KIAA1958: variants seen among roughly 807,000 people sequenced by gnomAD.
The protein encoded by KIAA1958 is KIAA1958, also known as uncharacterized protein KIAA1958.
A neutral mutation model predicts 47.2 loss-of-function variants in KIAA1958; 14 were observed. The ratio of observed to expected loss-of-function variants is 0.30; its 90% CI spans 0.20 to 0.46. The LOEUF (loss-of-function observed/expected upper bound fraction) is 0.46, where lower values mean the gene tolerates loss of function less well. Among genes scored for constraint, KIAA1958 ranks in the 20% least tolerant of loss-of-function variants. The pLI is 1.00. For synonymous variants in KIAA1958, 354 were observed against 353.3 expected (o/e 1.00, Z -0.02); for missense variants, 803 against 909.2 (o/e 0.88, Z 1.50).
intron 1 of KIAA1958, among the ~76,000 whole-genome samples, chr9:112,516,178 A>G (rs1293213774): frequency 2.6e-5 from 4 of 152,154 alleles, no homozygotes; most frequent in Admixed American, 2.6e-4. Flanking sequence ...TTCAATTCAT[A>G]GAAGTTAATT....
chr9:112,541,706 C>G (rs1042199226), intron 1 of KIAA1958, among the ~76,000 whole-genome samples: 1 of 151,998 alleles, frequency 6.6e-6, no homozygotes, highest in Non-Finnish European at 1.5e-5. Context: ...ACTCGGGAGG[C>G]TGAGGATTCA....
intron 1 of KIAA1958, among the ~76,000 whole-genome samples, chr9:112,494,952 A>C (rs1042442802): frequency 1.3e-5 from 2 of 150,920 alleles, no homozygotes; most frequent in Non-Finnish European, 3.0e-5. Flanking sequence ...TCATTTAAAA[A>C]TTTTTTCCCC....
In KIAA1958 at chr9:112,668,234, C is replaced by T. The variant is rs1837376988; in HGVS notation, c.*8165C>T. 6.6e-6 allele frequency: 1 copy of T among 151,988 alleles called. No homozygotes were observed. Among genetic ancestry groups the T allele is most frequent in the South Asian group, 2.1e-4 (1 of 4,828 alleles). 9.4% of individuals were successfully genotyped at this position (151,988 alleles called of 1,614,324 possible). On this transcript the variant is annotated 3_prime_UTR_variant, in exon 4 of 4. Transcript: ENST00000337530. The stretch of plus-strand genomic sequence containing the variant: ...GCCCATGTGCTTCTCCATGCTCAAA[C>T]GCAGAACTAAAAATGGGTATAAAGT...
At chr9:112,613,863 AT>A (rs1836368015) in intron 2 of KIAA1958, among the ~76,000 whole-genome samples, 1 of 152,206 alleles carries the variant, frequency 6.6e-6, no homozygotes, top group African/African-American at 2.4e-5. Flanking sequence ...CTTTAGTATT[AT>A]GGCTGAATGC....
intron 1 of KIAA1958, among the ~76,000 whole-genome samples, chr9:112,569,867 A>C (rs533987574): frequency 2.6e-5 from 4 of 152,172 alleles, no homozygotes; most frequent in African/African-American, 7.2e-5. Flanking sequence ...CAAGTGATCC[A>C]CCCACTTCGG....
intron 1 of KIAA1958, among the ~76,000 whole-genome samples, chr9:112,564,427 CAGAG>C (rs1038901138): frequency 1.3e-5 from 2 of 152,124 alleles, no homozygotes; most frequent in East Asian, 1.9e-4. Flanking sequence ...ACCTTGTAAA[CAGAG>C]AGACTACAAG....
chr9:112,517,429 T>C (rs1250796262), intron 1 of KIAA1958, among the ~76,000 whole-genome samples: 1 of 152,250 alleles, frequency 6.6e-6, no homozygotes, highest in African/African-American at 2.4e-5. Flanking sequence ...CTATACCGTG[T>C]ACCATATATA....
At chr9:112,522,290 A>G (rs907030548) in intron 1 of KIAA1958, among the ~76,000 whole-genome samples, 1 of 152,190 alleles carries the variant, frequency 6.6e-6, no homozygotes, top group African/African-American at 2.4e-5. Context: ...ACTTTTTCCT[A>G]AGAAACTGTA....
At chr9:112,637,970 G>A (rs542421925) in intron 2 of KIAA1958, among the ~76,000 whole-genome samples, 6 of 152,182 alleles carry the variant, frequency 3.9e-5, no homozygotes, top group South Asian at 2.1e-4. Flanking sequence ...CCAACATGGC[G>A]AAACCTCGTC....
chr9:112,625,719 G>A (rs1275138831), intron 2 of KIAA1958, among the ~76,000 whole-genome samples: 1 of 152,176 alleles, frequency 6.6e-6, no homozygotes, highest in African/African-American at 2.4e-5. Flanking sequence ...CCAATAGGCT[G>A]TTCTTGAATG....
At chr9:112,503,033 T>C (rs1834170589) in intron 1 of KIAA1958, among the ~76,000 whole-genome samples, 1 of 152,178 alleles carries the variant, frequency 6.6e-6, no homozygotes, top group Non-Finnish European at 1.5e-5. Flanking sequence ...AAAAACAAAG[T>C]ACTTGCCCTC....
At chr9:112,530,187 G>A (rs1260058331) in intron 1 of KIAA1958, among the ~76,000 whole-genome samples, 3 of 151,990 alleles carry the variant, frequency 2.0e-5, no homozygotes, top group African/African-American at 7.3e-5. Flanking sequence ...TAAATTATTT[G>A]GCATTCTTCT....
At chr9:112,502,837 A>G (rs970000338) in intron 1 of KIAA1958, among the ~76,000 whole-genome samples, 2 of 152,216 alleles carry the variant, frequency 1.3e-5, no homozygotes, top group Non-Finnish European at 2.9e-5. Context: ...GCATTAGAGC[A>G]TTATTTAGAA....
chr9:112,533,205 T>A (rs1413659157), intron 1 of KIAA1958, among the ~76,000 whole-genome samples: 1 of 152,006 alleles, frequency 6.6e-6, no homozygotes, highest in Non-Finnish European at 1.5e-5. Flanking sequence ...GTCTCTAATT[T>A]TTTAAGGGAT....
At chr9:112,654,164 C>T (rs1588055367) in intron 3 of KIAA1958, among the ~76,000 whole-genome samples, 1 of 152,152 alleles carries the variant, frequency 6.6e-6, no homozygotes, top group African/African-American at 2.4e-5. Flanking sequence ...ACAAAGTAAA[C>T]AGTTTGGAAT....
intron 1 of KIAA1958, among the ~76,000 whole-genome samples, chr9:112,499,195 A>G (rs1834094225): frequency 6.6e-6 from 1 of 152,218 alleles, no homozygotes; most frequent in South Asian, 2.1e-4. Context: ...AAGTACTACA[A>G]TAAACATGGT....
chr9:112,560,841 C>G (rs1439691437), intron 1 of KIAA1958, among the ~76,000 whole-genome samples: 1 of 152,164 alleles, frequency 6.6e-6, no homozygotes, highest in South Asian at 2.1e-4. Flanking sequence ...TCATGGAAGA[C>G]TTCCAGAATC....
At chr9:112,652,077 G>A (rs1837063540) in intron 3 of KIAA1958, among the ~76,000 whole-genome samples, 1 of 152,040 alleles carries the variant, frequency 6.6e-6, no homozygotes, top group Non-Finnish European at 1.5e-5. Context: ...TGTTACCCAG[G>A]CTGATTTCAA....
intron 1 of KIAA1958, among the ~76,000 whole-genome samples, chr9:112,562,639 G>C (rs1241673983): frequency 1.3e-5 from 2 of 152,124 alleles, no homozygotes; most frequent in East Asian, 3.8e-4. Context: ...ATCTGCGTTG[G>C]TCAGTGGAGA....
Sources: gnomAD v4.1 joint callset for allele counts (sites outside exome capture counted in the v4.1 genomes callset) on GRCh38, gnomAD v4.1.1 for gene constraint, MANE v1.5 for transcripts, NCBI Gene and HGNC (gene_info 2026-07-23, HGNC 2026-07-21) for gene names.